BTBD9: variants seen among roughly 807,000 people sequenced by gnomAD.
BTBD9 encodes the protein BTB domain containing 9, also known as BTB/POZ domain-containing protein 9.
Under a neutral mutation model 64.3 loss-of-function variants are expected in BTBD9, and 49 were observed. The ratio of observed to expected loss-of-function variants is 0.76; its 90% CI spans 0.61 to 0.97. The LOEUF (loss-of-function observed/expected upper bound fraction) is 0.97. BTBD9 is among the 50% of genes least tolerant of loss of function. The pLI, the probability that BTBD9 is intolerant of heterozygous loss-of-function variation, is 0.00. For missense variants in BTBD9, 598 were observed against 762.1 expected, an observed-to-expected ratio of 0.78 and a Z score of 2.53; for synonymous variants, 260 against 274.7, an observed-to-expected ratio of 0.95 and a Z score of 0.53.
chr6:38,193,792 A>T, intron 9 of BTBD9: 1 of 984,862 alleles, frequency 1.0e-6, no homozygotes, highest in Non-Finnish European at 1.2e-6. Flanking sequence ...TAGCAAAGAA[A>T]ATATATATGT....
At chr6:38,533,302 A>G (rs1007207589) in intron 6 of BTBD9, among the ~76,000 whole-genome samples, 1 of 152,190 alleles carries the variant, frequency 6.6e-6, no homozygotes, top group Non-Finnish European at 1.5e-5. Flanking sequence ...GACAAAAACT[A>G]TAAGAAGACA....
At chr6:38,394,022 T>C (rs1766551343) in intron 6 of BTBD9, among the ~76,000 whole-genome samples, 1 of 152,160 alleles carries the variant, frequency 6.6e-6, no homozygotes, top group Admixed American at 6.5e-5. Flanking sequence ...GTTTGGTCAT[T>C]CATCCATCCA....
At chr6:38,508,558 G>A (rs906863013) in intron 6 of BTBD9, among the ~76,000 whole-genome samples, 6 of 152,118 alleles carry the variant, frequency 3.9e-5, no homozygotes, top group Non-Finnish European at 8.8e-5. Context: ...AGAGCAGCAG[G>A]AGCGATTATA....
intron 10 of BTBD9, among the ~76,000 whole-genome samples, chr6:38,190,690 G>A (rs984575104): frequency 4.6e-5 from 7 of 152,028 alleles, no homozygotes; most frequent in African/African-American, 1.7e-4. Context: ...AGAGATTTTT[G>A]GGAAACTCAT....
chr6:38,343,963 T>C (rs1456336311), intron 7 of BTBD9, among the ~76,000 whole-genome samples: 1 of 152,222 alleles, frequency 6.6e-6, no homozygotes. Context: ...CCCATGCTTT[T>C]AGGTCAGTAT....
intron 6 of BTBD9, among the ~76,000 whole-genome samples, chr6:38,428,117 G>C (rs1768262769): frequency 6.6e-6 from 1 of 151,896 alleles, no homozygotes; most frequent in Non-Finnish European, 1.5e-5. Context: ...TTTTGGGTGA[G>C]GGGGATAACA....
chr6:38,576,886 A>G (rs1776062323), intron 6 of BTBD9, among the ~76,000 whole-genome samples: 2 of 152,206 alleles, frequency 1.3e-5, no homozygotes, highest in Admixed American at 6.5e-5. Flanking sequence ...AAAATTTCAG[A>G]AATTTTAAAT....
At chr6:38,587,452 C>T (rs928203385) in intron 4 of BTBD9, 8 of 547,134 alleles carry the variant, frequency 1.5e-5, no homozygotes, top group Middle Eastern at 3.4e-4. Flanking sequence ...AATGATGCAA[C>T]GAGTTTTCAG....
intron 8 of BTBD9, among the ~76,000 whole-genome samples, chr6:38,286,857 T>C (rs566877327): frequency 1.2e-3 from 185 of 151,898 alleles, no homozygotes; most frequent in Non-Finnish European, 2.3e-3. Flanking sequence ...CGAGGCGGGC[T>C]GATCACTTGA....
chr6:38,303,401 C>A (rs1212987051), intron 7 of BTBD9, among the ~76,000 whole-genome samples: 1 of 152,042 alleles, frequency 6.6e-6, no homozygotes, highest in Non-Finnish European at 1.5e-5. Context: ...TATTTATGTT[C>A]TTTTGCACAT....
intron 7 of BTBD9, among the ~76,000 whole-genome samples, chr6:38,331,677 T>G (rs1179412924): frequency 6.6e-6 from 1 of 151,994 alleles, no homozygotes; most frequent in Non-Finnish European, 1.5e-5. Flanking sequence ...TGAGCAAACA[T>G]AATGGGACCC....
intron 1 of BTBD9, among the ~76,000 whole-genome samples, chr6:38,602,000 A>T (rs755089665): frequency 5.9e-5 from 9 of 152,222 alleles, no homozygotes; most frequent in Non-Finnish European, 1.3e-4. Context: ...AGGAAATTAT[A>T]AAACTCCACT....
At chr6:38,280,692 T>TTTACCTGTGCTAATGTCA (rs1271183967) in intron 8 of BTBD9, among the ~76,000 whole-genome samples, 1 of 152,196 alleles carries the variant, frequency 6.6e-6, no homozygotes, top group African/African-American at 2.4e-5. Flanking sequence ...GGCAAGCATT[T>TTTACCTGTGCTAATGTCA]TTACCTGTGC....
intron 3 of BTBD9, among the ~76,000 whole-genome samples, chr6:38,593,586 T>C (rs968805690): frequency 1.3e-5 from 2 of 152,228 alleles, no homozygotes; most frequent in South Asian, 2.1e-4. Context: ...ATCTCCTCTA[T>C]GAATTTGCCT....
chr6:38,392,419 G>A (rs1367204453), intron 6 of BTBD9, among the ~76,000 whole-genome samples: 2 of 152,080 alleles, frequency 1.3e-5, no homozygotes, highest in Non-Finnish European at 2.9e-5. Context: ...TCATTCCTGG[G>A]GCAACAATCA....
chr6:38,211,667 C>T (rs1313988021), intron 9 of BTBD9, among the ~76,000 whole-genome samples: 1 of 151,958 alleles, frequency 6.6e-6, no homozygotes, highest in African/African-American at 2.4e-5. Context: ...TCGCTTGAAC[C>T]CAGGAGGTGG....
At chr6:38,195,752 CTTA>C (rs1012160276) in intron 9 of BTBD9, among the ~76,000 whole-genome samples, 12 of 151,928 alleles carry the variant, frequency 7.9e-5, no homozygotes, top group African/African-American at 2.9e-4. Context: ...AAATTTTAAA[CTTA>C]TTTACTTTTT....
intron 7 of BTBD9, among the ~76,000 whole-genome samples, chr6:38,325,734 A>G (rs2127578413): frequency 6.6e-6 from 1 of 152,356 alleles, no homozygotes; most frequent in East Asian, 1.9e-4. Flanking sequence ...GCCCCAGCTC[A>G]TTAGGTTAGT....
intron 1 of BTBD9, among the ~76,000 whole-genome samples, chr6:38,632,646 G>C (rs1277144687): frequency 6.6e-6 from 1 of 152,164 alleles, no homozygotes; most frequent in Non-Finnish European, 1.5e-5. Context: ...ACATAAAGAA[G>C]TGGGGCTGGG....
Sources: gnomAD v4.1 joint callset for allele counts (sites outside exome capture counted in the v4.1 genomes callset) on GRCh38, gnomAD v4.1.1 for gene constraint, MANE v1.5 for transcripts, NCBI Gene and HGNC (gene_info 2026-07-23, HGNC 2026-07-21) for gene names.